The following CCDC3 variants were observed in gnomAD, a reference collection of about 807,000 sequenced individuals.
CCDC3 encodes coiled-coil domain containing 3, also known as coiled-coil domain-containing protein 3.
CCDC3 carries 24 observed loss-of-function variants against 21.4 expected under a neutral mutation model. The ratio of observed to expected loss-of-function variants is 1.12; its 90% CI spans 0.81 to 1.58. The LOEUF is 1.58. Among genes scored for constraint, CCDC3 ranks in the 40% most tolerant of loss-of-function variants. CCDC3 has a pLI of 0.00. For missense variants in CCDC3, 425 were observed against 360.9 expected (o/e 1.18, Z -1.44); for synonymous variants, 186 against 166.0 (o/e 1.12, Z -0.93).
chr10:12,981,932 G>A (rs1835503494), intron 2 of CCDC3, among the ~76,000 whole-genome samples: 1 of 151,706 alleles, frequency 6.6e-6, no homozygotes, highest in Admixed American at 6.6e-5. Context: ...AGACCATCCT[G>A]GCCAACATGG....
chr10:12,925,311 T>C (rs1834518551), intron 2 of CCDC3, among the ~76,000 whole-genome samples: 1 of 152,186 alleles, frequency 6.6e-6, no homozygotes, highest in Non-Finnish European at 1.5e-5. Context: ...CTTGGCCTCT[T>C]TGGCTTATAT....
chr10:13,001,099 A>G (rs1217741053), intron 1 of CCDC3, 98 bp downstream of exon 1: 1 of 1,433,828 alleles, frequency 7.0e-7, no homozygotes, highest in Non-Finnish European at 9.3e-7. Flanking sequence ...TGACACCGAC[A>G]GGCTGCCCGG....
At chr10:13,079,383 C>T (rs985422118) in intron 3 of CCDC3, among the ~76,000 whole-genome samples, 3 of 152,186 alleles carry the variant, frequency 2.0e-5, no homozygotes, top group Non-Finnish European at 2.9e-5. Context: ...AGGATCCTCA[C>T]GTACCACGTG....
At chr10:12,947,775 T>C (rs1344406833) in intron 2 of CCDC3, among the ~76,000 whole-genome samples, 1 of 152,094 alleles carries the variant, frequency 6.6e-6, no homozygotes, top group Non-Finnish European at 1.5e-5. Flanking sequence ...AAGAGATGAG[T>C]TAGAGGAGAG....
At chr10:13,070,717 C>T (rs936496454) in intron 4 of CCDC3, among the ~76,000 whole-genome samples, 1 of 152,212 alleles carries the variant, frequency 6.6e-6, no homozygotes, top group Admixed American at 6.5e-5. Context: ...CCATGAAAGC[C>T]GATCTAAAAG....
At chr10:13,020,784 T>A (rs1324937499) in intron 5 of CCDC3, among the ~76,000 whole-genome samples, 1 of 152,142 alleles carries the variant, frequency 6.6e-6, no homozygotes, top group Non-Finnish European at 1.5e-5. Context: ...AGGCATGGAA[T>A]AACAACTTTA....
intron 2 of CCDC3, among the ~76,000 whole-genome samples, chr10:12,947,783 G>A (rs868370901): frequency 6.6e-6 from 1 of 152,200 alleles, no homozygotes. Flanking sequence ...AGTTAGAGGA[G>A]AGCAGTGGAT....
At chr10:13,010,704 C>A (rs1430616093) in intron 5 of CCDC3, among the ~76,000 whole-genome samples, 1 of 152,186 alleles carries the variant, frequency 6.6e-6, no homozygotes, top group Non-Finnish European at 1.5e-5. Flanking sequence ...CTAGAAACAA[C>A]CCAAGTGTCC....
intron 2 of CCDC3, among the ~76,000 whole-genome samples, chr10:12,915,869 C>T (rs188917205): frequency 2.5e-4 from 38 of 151,262 alleles, no homozygotes; most frequent in African/African-American, 8.7e-4. Flanking sequence ...AGCCTGAGTC[C>T]ATGAAGGCAA....
chr10:13,087,715 G>A (rs763593950), intron 3 of CCDC3, among the ~76,000 whole-genome samples: 14 of 151,946 alleles, frequency 9.2e-5, no homozygotes, highest in Admixed American at 6.5e-5. Context: ...ATACTTAGAA[G>A]TATCATCTAA....
At chr10:12,989,801 CTGTT>C (rs1480703110) in intron 2 of CCDC3, among the ~76,000 whole-genome samples, 2 of 152,114 alleles carry the variant, frequency 1.3e-5, no homozygotes, top group Non-Finnish European at 2.9e-5. Flanking sequence ...GTCTTTTTCA[CTGTT>C]TGTCATTTGC....
chr10:12,950,382 G>A (rs1373204539), intron 2 of CCDC3, among the ~76,000 whole-genome samples: 1 of 152,160 alleles, frequency 6.6e-6, no homozygotes, highest in East Asian at 1.9e-4. Context: ...AACCTAAATG[G>A]TCAGGAGGAT....
chr10:13,045,714 G>C (rs1306529596), intron 5 of CCDC3, among the ~76,000 whole-genome samples: 1 of 152,116 alleles, frequency 6.6e-6, no homozygotes, highest in East Asian at 1.9e-4. Flanking sequence ...AAAATAGGCA[G>C]GGTCCTCATC....
chr10:13,019,528 T>C (rs575692280), intron 5 of CCDC3, among the ~76,000 whole-genome samples: 108 of 152,344 alleles, frequency 7.1e-4, no homozygotes, highest in African/African-American at 9.6e-5. Context: ...GTGATCAGCA[T>C]TGCACTAACT....
At chr10:12,998,271 A>G (rs1216648324) in intron 2 of CCDC3, 67 bp downstream of exon 2, 1 of 1,536,948 alleles carries the variant, frequency 6.5e-7, no homozygotes, top group African/African-American at 1.4e-5. Flanking sequence ...TCCTTTGGTC[A>G]CAAAATTCAC....
chr10:13,044,575 A>C (rs951900161), intron 5 of CCDC3, among the ~76,000 whole-genome samples: 2 of 152,192 alleles, frequency 1.3e-5, no homozygotes, highest in Non-Finnish European at 2.9e-5. Flanking sequence ...ACAGCCAGCT[A>C]TCCCAGCACC....
At chr10:12,934,907 G>A (rs940550331) in intron 2 of CCDC3, among the ~76,000 whole-genome samples, 5 of 151,916 alleles carry the variant, frequency 3.3e-5, no homozygotes, top group Non-Finnish European at 7.4e-5. Context: ...TGGATTACAG[G>A]CATGAACCAC....
intron 2 of CCDC3, among the ~76,000 whole-genome samples, chr10:12,993,069 C>A (rs566659445): frequency 7.0e-4 from 106 of 152,354 alleles, no homozygotes; most frequent in Non-Finnish European, 1.4e-3. Context: ...CCTGTTACTA[C>A]TGATGTTGCC....
chr10:12,932,771 C>T (rs185520107), intron 2 of CCDC3, among the ~76,000 whole-genome samples: 2 of 152,286 alleles, frequency 1.3e-5, no homozygotes, highest in East Asian at 1.9e-4. Context: ...GGGCTTCTCA[C>T]TATTAATTAT....
Sources: allele counts gnomAD v4.1 joint callset (sites outside exome capture counted in the v4.1 genomes callset), GRCh38; gene constraint gnomAD v4.1.1; transcripts MANE v1.5; gene names NCBI Gene and HGNC (gene_info 2026-07-23, HGNC 2026-07-21).